NEDD4L: variants seen among roughly 807,000 people sequenced by gnomAD.
NEDD4L encodes NEDD4 like E3 ubiquitin protein ligase.
Under a neutral mutation model 148.9 loss-of-function variants are expected in NEDD4L, and 54 were observed. The ratio of observed to expected loss-of-function variants is 0.36; its 90% CI spans 0.29 to 0.45. The LOEUF is 0.45. Among genes scored for constraint, NEDD4L ranks in the 20% least tolerant of loss-of-function variants. The pLI, the probability that NEDD4L is intolerant of heterozygous loss-of-function variation, is 1.00. For synonymous variants in NEDD4L, 433 were observed against 440.7 expected, an observed-to-expected ratio of 0.98 and a Z score of 0.22; for missense variants, 856 against 1,233.8, an observed-to-expected ratio of 0.69 and a Z score of 4.59.
At chr18:58,356,981 T>G (rs2044752542) in intron 18 of NEDD4L, among the ~76,000 whole-genome samples, 1 of 152,186 alleles carries the variant, frequency 6.6e-6, no homozygotes, top group Non-Finnish European at 1.5e-5. Context: ...CATTTTTGAT[T>G]GAGTGTTTTT....
Position 58,279,498 on chromosome 18 carries a change from G to A in NEDD4L, c.297+27444G>A, listed in dbSNP as rs142956936. Among the ~76,000 whole-genome samples the A allele has an allele frequency of 1.2e-4, 19 of 152,304 alleles. No individual in the cohort carries two copies. In the East Asian group the frequency reaches 2.7e-3, roughly 22 times the overall value. On this transcript the variant is annotated intron_variant, in intron 5 of 30. Coordinates refer to ENST00000400345, the MANE Select transcript of NEDD4L (RefSeq NM_001144967.3). ...GAAGGCTTGGAAATGAGAAAATCTC[G>A]GGAGAATAGGCCCATGTTAGAAATT...
chr18:58,088,182 C>T (rs1281113119), intron 1 of NEDD4L, among the ~76,000 whole-genome samples: 1 of 152,166 alleles, frequency 6.6e-6, no homozygotes, highest in Non-Finnish European at 1.5e-5. Flanking sequence ...ATTCAGGAGA[C>T]CAGGGGAAAG....
chr18:58,073,670 A>G (rs974349534), intron 1 of NEDD4L, among the ~76,000 whole-genome samples: 1 of 152,158 alleles, frequency 6.6e-6, no homozygotes. Context: ...CAAGAAATAG[A>G]TGAGTGTTAA....
At chr18:58,105,627 CCTGT>C (rs899977435) in intron 1 of NEDD4L, among the ~76,000 whole-genome samples, 2 of 152,056 alleles carry the variant, frequency 1.3e-5, no homozygotes, top group Non-Finnish European at 2.9e-5. Flanking sequence ...ATTTTTCATT[CCTGT>C]CTCTTATTTA....
intron 1 of NEDD4L, among the ~76,000 whole-genome samples, chr18:58,057,492 G>A (rs904419257): frequency 2.0e-5 from 3 of 152,252 alleles, no homozygotes; most frequent in Non-Finnish European, 4.4e-5. Context: ...TGAGAATCTC[G>A]CTTGGTCATT....
chr18:58,076,850 CTTT>C (rs375840476), intron 1 of NEDD4L, among the ~76,000 whole-genome samples: 2 of 136,430 alleles, frequency 1.5e-5, no homozygotes, highest in African/African-American at 5.4e-5. Context: ...AATATACCTG[CTTT>C]TTTTTTTTTT....
intron 1 of NEDD4L, among the ~76,000 whole-genome samples, chr18:58,142,396 C>A (rs2033651732): frequency 6.6e-6 from 1 of 152,116 alleles, no homozygotes; most frequent in Non-Finnish European, 1.5e-5. Flanking sequence ...AAGTTCTGAT[C>A]CTGATTTATA....
chr18:58,308,050 A>G (rs1265107580), intron 5 of NEDD4L, among the ~76,000 whole-genome samples: 2 of 152,234 alleles, frequency 1.3e-5, no homozygotes, highest in Non-Finnish European at 2.9e-5. Context: ...AATTAAGACA[A>G]ATTGCACCAT....
chr18:58,102,137 C>T (rs17693622), intron 1 of NEDD4L, among the ~76,000 whole-genome samples: 14,243 of 151,872 alleles, frequency 0.094, 737 homozygotes, highest in Non-Finnish European at 0.11. Context: ...GAATTAAGGT[C>T]GGGTATGTAT....
chr18:58,328,644 T>C (rs149254267), intron 9 of NEDD4L, among the ~76,000 whole-genome samples: 73 of 152,322 alleles, frequency 4.8e-4, no homozygotes, highest in Non-Finnish European at 9.6e-4. Context: ...AACTTGCCTG[T>C]CACCTCTGCT....
intron 5 of NEDD4L, among the ~76,000 whole-genome samples, chr18:58,272,523 G>A (rs1191318434): frequency 6.6e-6 from 1 of 151,996 alleles, no homozygotes; most frequent in African/African-American, 2.4e-5. Context: ...AGCTATTCGG[G>A]AGGTAGGAGG....
At chr18:58,299,273 T>C (rs1159590300) in intron 5 of NEDD4L, among the ~76,000 whole-genome samples, 1 of 152,228 alleles carries the variant, frequency 6.6e-6, no homozygotes, top group Non-Finnish European at 1.5e-5. Context: ...TTTATCCAAG[T>C]GTCACCTCCT....
chr18:58,196,255 A>C (rs2040675080), intron 2 of NEDD4L, among the ~76,000 whole-genome samples: 1 of 152,246 alleles, frequency 6.6e-6, no homozygotes, highest in Admixed American at 6.5e-5. Context: ...TAGCTAATGC[A>C]ATCAGCCAGC....
intron 27 of NEDD4L, chr18:58,387,805 T>C: frequency 4.3e-6 from 1 of 231,902 alleles, no homozygotes; most frequent in Non-Finnish European, 8.2e-6. Flanking sequence ...GCTGGGATCA[T>C]GGCCCTATGC....
chr18:58,088,704 CT>C (rs35314135), intron 1 of NEDD4L, among the ~76,000 whole-genome samples: 6 of 151,580 alleles, frequency 4.0e-5, no homozygotes, highest in Admixed American at 3.3e-4. Context: ...ATTTAGAGAA[CT>C]TTTTTTTTGC....
chr18:58,217,279 G>A (rs2053963), intron 2 of NEDD4L, among the ~76,000 whole-genome samples: 4 of 152,164 alleles, frequency 2.6e-5, no homozygotes, highest in Non-Finnish European at 5.9e-5. Flanking sequence ...ATTTTTGCCT[G>A]TGTCATGTTA....
intron 1 of NEDD4L, among the ~76,000 whole-genome samples, chr18:58,163,867 C>G (rs1352572498): frequency 3.3e-5 from 5 of 152,056 alleles, no homozygotes; most frequent in Admixed American, 3.3e-4. Context: ...CATCCTGTAC[C>G]CTCCATGTTT....
intron 5 of NEDD4L, among the ~76,000 whole-genome samples, chr18:58,257,036 C>T (rs1367608908): frequency 1.3e-5 from 2 of 152,088 alleles, no homozygotes; most frequent in African/African-American, 2.4e-5. Flanking sequence ...GAATACCTTC[C>T]CCCTGCTTTT....
At chr18:58,353,710 A>G (rs1158410381) in intron 18 of NEDD4L, among the ~76,000 whole-genome samples, 1 of 152,238 alleles carries the variant, frequency 6.6e-6, no homozygotes, top group Admixed American at 6.5e-5. Flanking sequence ...GGAAGATAAC[A>G]TTTAGGAATG....
Sources: allele counts gnomAD v4.1 joint callset (sites outside exome capture counted in the v4.1 genomes callset), GRCh38; gene constraint gnomAD v4.1.1; transcripts MANE v1.5; gene names NCBI Gene and HGNC (gene_info 2026-07-23, HGNC 2026-07-21).